Variants in SRGAP2B observed in about 807,000 individuals in gnomAD.
SRGAP2B encodes SLIT-ROBO Rho GTPase activating protein 2B, also known as SLIT-ROBO Rho GTPase-activating protein 2B.
A neutral mutation model predicts 22.2 loss-of-function variants in SRGAP2B; 9 were observed. The ratio of observed to expected loss-of-function variants is 0.41; its 90% CI spans 0.24 to 0.71. The LOEUF (loss-of-function observed/expected upper bound fraction) is 0.71, where lower values mean the gene tolerates loss of function less well. Ranked by LOEUF, SRGAP2B falls within the 30% of genes least tolerant of loss-of-function variation. The probability of loss-of-function intolerance (pLI) is 0.35; values close to 1 mark genes in which losing one functional copy is unlikely to be tolerated. For synonymous variants in SRGAP2B, 36 were observed against 87.4 expected, an observed-to-expected ratio of 0.41 and a Z score of 3.28; for missense variants, 114 against 235.8, an observed-to-expected ratio of 0.48 and a Z score of 3.38.
intron 4 of SRGAP2B, among the ~76,000 whole-genome samples, chr1:144,927,075 A>G (rs1360422883): frequency 6.7e-6 from 1 of 150,272 alleles, no homozygotes; most frequent in Non-Finnish European, 1.5e-5. Flanking sequence ...TCAGCCTCCC[A>G]AGTAGCTGGG....
In SRGAP2B at chr1:144,951,192, AACAG is replaced by A. The variant is rs1476107068; in HGVS notation, c.423+4243_423+4246del. Among the ~76,000 whole-genome samples the A allele has an allele frequency of 2.5e-4, 37 of 148,624 alleles. 1 individual carries two copies. The highest frequency in any genetic ancestry group is 8.7e-4 in the African/African-American group (34 of 39,288). ...TTTTGTTTTTTGTTTTTTTTTTTTAAACAGACAGGGTCTGGCTCTGTTACTCAGG... is the reference window on the plus strand; with the variant it reads ...TTTTGTTTTTTGTTTTTTTTTTTTAAACAGGGTCTGGCTCTGTTACTCAGG... On this transcript the variant is annotated intron_variant, in intron 4 of 9. Coordinates refer to ENST00000612199, the Ensembl canonical transcript of SRGAP2B.
chr1:144,994,913 T>C lies in SRGAP2B; in HGVS notation c.260+95A>G, dbSNP rs1180668907. On this transcript the variant is annotated intron_variant, in intron 3 of 9. Coordinates refer to ENST00000612199, the Ensembl canonical transcript of SRGAP2B. The stretch of plus-strand genomic sequence containing the variant: ...CAACCAATCTGAAGCCAGGGGCTCC[T>C]GAATTCAGCTGGATCTAAGTGGCAT... The C allele has an allele frequency of 3.6e-5, 22 of 617,974 alleles. No individual in the cohort carries two copies. The Admixed American group carries it at 6.8e-4, about 19-fold the overall frequency. The allele number at this position is 617,974 out of a possible 1,614,324, so 38.3% of individuals were successfully genotyped here.
intron 4 of SRGAP2B, among the ~76,000 whole-genome samples, chr1:144,922,840 C>T (rs1553347798): frequency 6.6e-6 from 1 of 150,850 alleles, no homozygotes; most frequent in Non-Finnish European, 1.5e-5. Context: ...AAATGGCTTT[C>T]TGAAAGCCAT....
At chr1:144,958,227 A>T (rs1474004887) in intron 3 of SRGAP2B, among the ~76,000 whole-genome samples, 1 of 151,422 alleles carries the variant, frequency 6.6e-6, no homozygotes, top group Non-Finnish European at 1.5e-5. Context: ...ACCTAACACC[A>T]TGGGAAAGGA....
chr1:145,082,077 C>G (rs1652984381), intron 2 of SRGAP2B, among the ~76,000 whole-genome samples: 2 of 144,176 alleles, frequency 1.4e-5, no homozygotes, highest in Admixed American at 1.4e-4. Context: ...AACAAACAAA[C>G]AAACAAAAAA....
chr1:144,899,895 A>G (rs1462139471), intron 7 of SRGAP2B, among the ~76,000 whole-genome samples: 2 of 73,612 alleles, frequency 2.7e-5, no homozygotes, highest in African/African-American at 6.1e-5. Context: ...GATCTTCAAG[A>G]TCCAAATTAA....
intron 2 of SRGAP2B, among the ~76,000 whole-genome samples, chr1:145,044,203 C>A: frequency 1.5e-5 from 2 of 132,128 alleles, no homozygotes; most frequent in East Asian, 4.2e-4. Context: ...GATCCTGGAA[C>A]ACCTTTTTTT....
intron 2 of SRGAP2B, among the ~76,000 whole-genome samples, chr1:145,020,729 T>G (rs1354580645): frequency 2.0e-5 from 3 of 149,262 alleles, no homozygotes. Flanking sequence ...AATGAATAAT[T>G]GTAAAACATA....
intron 3 of SRGAP2B, among the ~76,000 whole-genome samples, chr1:144,970,637 T>TAA (rs1553613093): frequency 2.9e-5 from 1 of 34,754 alleles, no homozygotes; most frequent in Non-Finnish European, 5.1e-5. Flanking sequence ...CCCTAAAACT[T>TAA]AAAGTATTAA....
chr1:145,017,063 G>A lies in SRGAP2B; in HGVS notation c.68-21863C>T, dbSNP rs1298077561. Among the ~76,000 whole-genome samples the A allele has an allele frequency of 7.9e-5, 11 of 139,516 alleles. No homozygotes were observed. The South Asian group carries it at 2.1e-3, about 27-fold the overall frequency. 91.5% of individuals were successfully genotyped at this position (139,516 alleles called of 152,430 possible). A position where few individuals can be genotyped will look rare whatever the true frequency, so the allele number is the denominator to read the frequency against. On this transcript the variant is annotated intron_variant, in intron 2 of 9. Coordinates refer to ENST00000612199, the Ensembl canonical transcript of SRGAP2B. ...CAACCTCCACCTCCTGGGCTCAAGC[G>A]ATTCCCATGCCTCAGCCTCTGGAGT...
chr1:144,906,028 T>G lies in SRGAP2B; in HGVS notation c.533A>C (p.Gln178Pro), dbSNP rs1662966009. 3 of 708,536 alleles carry G rather than the reference T, an allele frequency of 4.2e-6. 1 individual carries two copies. Among genetic ancestry groups the G allele is most frequent in the African/African-American group, 3.9e-5 (2 of 51,618 alleles). 43.9% of individuals were successfully genotyped at this position (708,536 alleles called of 1,614,324 possible). A position where few individuals can be genotyped will look rare whatever the true frequency, so the allele number is the denominator to read the frequency against. Reference sequence around the variant, plus strand: ...CTTCTCCGCCTCCTTTAGTTTGCTCTGAGCACTGATGCTGTCGGCATTGTA... The same window carrying G: ...CTTCTCCGCCTCCTTTAGTTTGCTCGGAGCACTGATGCTGTCGGCATTGTA... The change falls in exon 6 of 10, where the codon CAG becomes CCG. Residue 178 changes from glutamine (Q) to proline (P), a missense_variant. By Grantham distance (76) the Gln-to-Pro change is moderately conservative. Coordinates refer to ENST00000612199, the Ensembl canonical transcript of SRGAP2B.
intron 3 of SRGAP2B, among the ~76,000 whole-genome samples, chr1:144,957,043 G>A (rs1400419528): frequency 1.3e-5 from 2 of 150,526 alleles, no homozygotes; most frequent in Non-Finnish European, 2.9e-5. Flanking sequence ...CTTTGCCCAA[G>A]GTCATATAGC....
intron 5 of SRGAP2B, among the ~76,000 whole-genome samples, chr1:144,911,996 GCTGGAGTGCAGTGGCACGATCT>G (rs1663458663): frequency 7.1e-6 from 1 of 141,206 alleles, no homozygotes; most frequent in East Asian, 2.0e-4. Flanking sequence ...TGTTGCCCAG[GCTGGAGTGCAGTGGCACGATCT>G]CGGCTCACTG....
intron 2 of SRGAP2B, among the ~76,000 whole-genome samples, chr1:145,022,778 T>C (rs1388437054): frequency 6.7e-6 from 1 of 149,616 alleles, no homozygotes; most frequent in Non-Finnish European, 1.5e-5. Context: ...AGAAAGATGA[T>C]GGCATTTTCA....
At chr1:144,953,280 A>G (rs1420052577) in intron 4 of SRGAP2B, among the ~76,000 whole-genome samples, 1 of 152,206 alleles carries the variant, frequency 6.6e-6, no homozygotes, top group Non-Finnish European at 1.5e-5. Flanking sequence ...TTAAAAGTCA[A>G]GACAGTTGTT....
chr1:144,928,516 C>T (rs1664927511), intron 4 of SRGAP2B, among the ~76,000 whole-genome samples: 3 of 133,116 alleles, frequency 2.3e-5, no homozygotes. Context: ...CTGCTCACTG[C>T]AAGCTCCGCC....
At chr1:144,934,353 A>G (rs1665459287) in intron 4 of SRGAP2B, among the ~76,000 whole-genome samples, 2 of 145,694 alleles carry the variant, frequency 1.4e-5, no homozygotes, top group Non-Finnish European at 3.0e-5. Context: ...ACAGTGAGTC[A>G]AGATCGCGCA....
intron 3 of SRGAP2B, among the ~76,000 whole-genome samples, chr1:144,960,051 C>T (rs1300191994): frequency 2.4e-5 from 1 of 42,246 alleles, no homozygotes; most frequent in Non-Finnish European, 4.7e-5. Flanking sequence ...TATTTGGGAC[C>T]GCTGAAGCCA....
At position 145,090,242 on chromosome 1, in the gene SRGAP2B, G is replaced by T. The variant is rs1653859125; in HGVS notation, c.67+2593C>A. Reference sequence around the variant, plus strand: ...CAGGCCCTTTGTCTCCAAATTCTGTGCTGTTCCATAGAGAGCCCAGCTTCC... The same window carrying T: ...CAGGCCCTTTGTCTCCAAATTCTGTTCTGTTCCATAGAGAGCCCAGCTTCC... On this transcript the variant is annotated intron_variant, in intron 2 of 9. Coordinates refer to ENST00000612199, the Ensembl canonical transcript of SRGAP2B. 2.0e-5 allele frequency among the ~76,000 whole-genome samples: 3 copies of T among 149,022 alleles called. No homozygotes were observed. The South Asian group carries it at 6.3e-4, about 31-fold the overall frequency.
Sources: gnomAD v4.1 joint callset for allele counts (sites outside exome capture counted in the v4.1 genomes callset) on GRCh38, gnomAD v4.1.1 for gene constraint, MANE v1.5 for transcripts, NCBI Gene and HGNC (gene_info 2026-07-23, HGNC 2026-07-21) for gene names.